Variants in RNF169 observed in about 807,000 individuals in gnomAD.
The protein encoded by RNF169 is ring finger protein 169.
Under a neutral mutation model 53.9 loss-of-function variants are expected in RNF169, and 24 were observed. The observed-to-expected ratio is 0.45, with a 90% CI of 0.32 to 0.63. The LOEUF (loss-of-function observed/expected upper bound fraction) is 0.63, where lower values mean the gene tolerates loss of function less well. Ranked by LOEUF, RNF169 falls within the 20% of genes least tolerant of loss-of-function variation. The pLI is 0.04. For missense variants in RNF169, 883 were observed against 906.2 expected (o/e 0.97, Z 0.33); for synonymous variants, 396 against 363.5 (o/e 1.09, Z -1.02).
At chr11:74,820,914 A>C (rs1330843266) in intron 4 of RNF169, among the ~76,000 whole-genome samples, 1 of 145,110 alleles carries the variant, frequency 6.9e-6, no homozygotes. Context: ...AGTTCTTAGC[A>C]TACCTCATGT....
rs537112448 is a variant in RNF169 at position 74,756,531 on chromosome 11, T to G, written c.502+7149T>G. Among the ~76,000 whole-genome samples the G allele has an allele frequency of 2.6e-5, 4 of 152,278 alleles. No individual in the cohort carries two copies. In the East Asian group the frequency reaches 7.7e-4, roughly 29 times the overall value. ...GTATATGAAGAGCTAGGTCAACAAATGTAAGGTATTTTCACAAAGAAGATA... is the reference window on the plus strand; with the variant it reads ...GTATATGAAGAGCTAGGTCAACAAAGGTAAGGTATTTTCACAAAGAAGATA... On this transcript the variant is annotated intron_variant, in intron 1 of 5. Coordinates refer to ENST00000299563, the MANE Select transcript of RNF169 (RefSeq NM_001098638.2).
intron 4 of RNF169, among the ~76,000 whole-genome samples, chr11:74,830,083 G>A (rs1246087202): frequency 6.6e-6 from 1 of 152,036 alleles, no homozygotes; most frequent in Non-Finnish European, 1.5e-5. Context: ...AGCGCTCAGA[G>A]GGAAATTTAT....
At chr11:74,752,555 C>T (rs2034913717) in intron 1 of RNF169, among the ~76,000 whole-genome samples, 1 of 151,368 alleles carries the variant, frequency 6.6e-6, no homozygotes, top group Non-Finnish European at 1.5e-5. Context: ...TGACATCATG[C>T]CACTGCACTC....
chr11:74,834,927 G>A, intron 5 of RNF169, 152 bp downstream of exon 5: 1 of 552,254 alleles, frequency 1.8e-6, no homozygotes, highest in Non-Finnish European at 3.2e-6. Flanking sequence ...CAGATGTGAA[G>A]GAAGAAAGTT....
chr11:74,758,475 G>A (rs1029414144), intron 1 of RNF169, among the ~76,000 whole-genome samples: 11 of 150,054 alleles, frequency 7.3e-5, no homozygotes, highest in South Asian at 4.2e-4. Flanking sequence ...TTGACTTGGC[G>A]ATGCGGGCTC....
intron 3 of RNF169, among the ~76,000 whole-genome samples, chr11:74,811,825 A>G (rs1170202057): frequency 6.6e-6 from 1 of 152,194 alleles, no homozygotes; most frequent in Non-Finnish European, 1.5e-5. Context: ...GTTTAGCTAG[A>G]CAAAAATAAG....
chr11:74,785,844 A>C (rs1434890734), intron 1 of RNF169, among the ~76,000 whole-genome samples: 1 of 152,098 alleles, frequency 6.6e-6, no homozygotes, highest in Non-Finnish European at 1.5e-5. Flanking sequence ...CCTTGGTCTT[A>C]TATGAACTTT....
In RNF169 at chr11:74,834,723, C is replaced by A; in HGVS notation, c.890C>A (p.Ala297Asp). The A allele has an allele frequency of 6.2e-7, 1 of 1,613,830 alleles. No homozygotes were observed. Among genetic ancestry groups the A allele is most frequent in the Non-Finnish European group, 8.5e-7 (1 of 1,179,900 alleles). ...AGGAGTCAGAGCTGTAGTGACACAG[C>A]CCAGGAAAGAGCGAAGAGCAGAGTC... ...VERSQSCSDT[A>D]QERAKSRVRA... Residue 297 changes from alanine (A) to aspartate (D), a missense_variant, in exon 5 of 6, where the codon GCC (alanine) becomes GAC (aspartate). Around this residue, in one of 3 missense-constraint regions of RNF169, gnomAD observed 219 missense variants for 289.1 expected, o/e 0.76. Coordinates refer to ENST00000299563, the MANE Select transcript of RNF169 (RefSeq NM_001098638.2).
rs371537086 is a variant in RNF169, at chr11:74,836,619, G to A, written c.2016G>A (p.Leu672=). ...KLQQEEEDRQ[L]ALQLQRMFDN... ...AGCAAGAGGAAGAAGACCGACAGTT[G>A]GCTCTGCAGTTGCAGCGCATGTTCG... Residue 672 remains leucine (L), a synonymous_variant, in exon 6 of 6, where the codon TTG becomes TTA. Transcript: ENST00000299563. The A allele has an allele frequency of 4.3e-6, 7 of 1,614,076 alleles. No homozygotes were observed. Among genetic ancestry groups the A allele is most frequent in the Non-Finnish European group, 5.9e-6 (7 of 1,180,028 alleles).
rs539914479 is a variant in RNF169, at chr11:74,813,143, C to T, written c.723+2813C>T. ...TTCTATCAGCCACTCCCCCAAACCC[C>T]CACTTTGTAACTTTTACAAGAGTTC... On this transcript the variant is annotated intron_variant, in intron 3 of 5. Transcript: ENST00000299563. Among the ~76,000 whole-genome samples the T allele has an allele frequency of 3.3e-5, 5 of 152,298 alleles. No individual in the cohort carries two copies. In the South Asian group the frequency reaches 8.3e-4, roughly 25 times the overall value.
chr11:74,801,856 T>TA (rs981990044), intron 2 of RNF169, among the ~76,000 whole-genome samples: 4 of 152,216 alleles, frequency 2.6e-5, no homozygotes, highest in African/African-American at 9.6e-5. Flanking sequence ...AAAATTAACT[T>TA]AAAGATTCCC....
intron 2 of RNF169, among the ~76,000 whole-genome samples, chr11:74,796,930 A>G (rs2135096353): frequency 6.6e-6 from 1 of 152,338 alleles, no homozygotes; most frequent in South Asian, 2.1e-4. Context: ...GGTGTACACT[A>G]CAGACTGAAA....
At chr11:74,831,175 G>A (rs2036172427) in intron 4 of RNF169, 1 of 152,074 alleles carries the variant, frequency 6.6e-6, no homozygotes, top group African/African-American at 2.4e-5. Context: ...AAAAATAAAA[G>A]GCATCCAGAT....
chr11:74,798,524 C>T (rs929188769), intron 2 of RNF169, among the ~76,000 whole-genome samples: 2 of 152,152 alleles, frequency 1.3e-5, no homozygotes, highest in Non-Finnish European at 2.9e-5. Context: ...GACAGTGGTA[C>T]CCGAAACTTC....
At chr11:74,809,275 C>T (rs114282263) in intron 2 of RNF169, among the ~76,000 whole-genome samples, 282 of 152,022 alleles carry the variant, frequency 1.9e-3, no homozygotes, top group African/African-American at 6.5e-3. Flanking sequence ...AAACTCTAGA[C>T]AGTGAAAAAG....
chr11:74,784,673 A>G (rs1158341264), intron 1 of RNF169, among the ~76,000 whole-genome samples: 1 of 152,206 alleles, frequency 6.6e-6, no homozygotes, highest in Non-Finnish European at 1.5e-5. Flanking sequence ...CATGTGCTAG[A>G]ATTTCAGATT....
chr11:74,778,291 T>C (rs1186810965), intron 1 of RNF169, among the ~76,000 whole-genome samples: 1 of 152,256 alleles, frequency 6.6e-6, no homozygotes, highest in Non-Finnish European at 1.5e-5. Context: ...ATTCCCTCTT[T>C]AACCTACTAA....
rs372547886 is a variant in RNF169 at position 74,835,924 on chromosome 11, C to A, written c.1321C>A (p.Arg441=). Residue 441 remains arginine (R), a synonymous_variant, in exon 6 of 6, where the codon CGG becomes AGG. Coordinates refer to ENST00000299563, the MANE Select transcript of RNF169 (RefSeq NM_001098638.2). ...LKKWEQIFQE[R]QIKKTLSKAT... Reference sequence around the variant, plus strand: ...AAAGTGGGAACAGATCTTTCAGGAGCGGCAGATCAAAAAGACCCTTTCAAA... The same window carrying A: ...AAAGTGGGAACAGATCTTTCAGGAGAGGCAGATCAAAAAGACCCTTTCAAA... 1.9e-4 allele frequency: 308 copies of A among 1,614,014 alleles called. 1 individual carries two copies. Among genetic ancestry groups the A allele is most frequent in the Non-Finnish European group, 2.6e-4 (302 of 1,180,038 alleles).
chr11:74,780,135 ACT>A (rs1186443980), intron 1 of RNF169, among the ~76,000 whole-genome samples: 1 of 151,398 alleles, frequency 6.6e-6, no homozygotes, highest in African/African-American at 2.4e-5. Flanking sequence ...TAGTTTTATA[ACT>A]CTTTTGACAT....
Sources: allele counts gnomAD v4.1 joint callset (sites outside exome capture counted in the v4.1 genomes callset), GRCh38; gene constraint gnomAD v4.1.1; regional missense constraint gnomAD v4.1.1; transcripts MANE v1.5; gene names NCBI Gene and HGNC (gene_info 2026-07-23, HGNC 2026-07-21).